KLF12: variants seen among roughly 807,000 people sequenced by gnomAD.
The protein encoded by KLF12 is Krueppel-like factor 12.
KLF12 carries 9 observed loss-of-function variants against 37.8 expected under a neutral mutation model. The ratio of observed to expected loss-of-function variants is 0.24; its 90% CI spans 0.14 to 0.42. The LOEUF (loss-of-function observed/expected upper bound fraction) is 0.42. KLF12 is among the 10% of genes least tolerant of loss of function. The pLI is 1.00. For missense variants in KLF12, 411 were observed against 516.0 expected (o/e 0.80, Z 1.97); for synonymous variants, 208 against 202.1 (o/e 1.03, Z -0.25).
At chr13:73,857,306 C>T (rs1009623134) in intron 3 of KLF12, among the ~76,000 whole-genome samples, 5 of 152,092 alleles carry the variant, frequency 3.3e-5, no homozygotes, top group African/African-American at 4.8e-5. Context: ...ATCAAGATGA[C>T]GTGTTCTAGA....
At chr13:73,822,138 G>A (rs922815902) in intron 4 of KLF12, among the ~76,000 whole-genome samples, 1 of 152,170 alleles carries the variant, frequency 6.6e-6, no homozygotes. Context: ...ATATAATGAT[G>A]CAAGTGTCTA....
intron 3 of KLF12, among the ~76,000 whole-genome samples, chr13:73,937,960 G>A (rs1283561097): frequency 6.6e-6 from 1 of 152,040 alleles, no homozygotes; most frequent in African/African-American, 2.4e-5. Flanking sequence ...AACTGCAAAT[G>A]TTTTTCTTTG....
intron 6 of KLF12, among the ~76,000 whole-genome samples, chr13:73,748,417 C>A (rs1037864263): frequency 6.6e-6 from 1 of 152,044 alleles, no homozygotes; most frequent in Non-Finnish European, 1.5e-5. Flanking sequence ...GGAGATGGGG[C>A]CTTTGGGGAT....
chr13:74,008,132 G>C (rs1343539637), intron 1 of KLF12, among the ~76,000 whole-genome samples: 1 of 152,024 alleles, frequency 6.6e-6, no homozygotes, highest in Non-Finnish European at 1.5e-5. Context: ...CATTTACTGA[G>C]GCATATACTT....
intron 5 of KLF12, among the ~76,000 whole-genome samples, chr13:73,791,987 C>T (rs1881712978): frequency 6.6e-6 from 1 of 152,198 alleles, no homozygotes. Context: ...TTTTCAACTG[C>T]TTTTACCTCC....
chr13:74,181,278 G>A, the KLF12 span, among the ~76,000 whole-genome samples: 2 of 151,158 alleles, frequency 1.3e-5, no homozygotes, highest in African/African-American at 4.9e-5. Flanking sequence ...GATTACAGGC[G>A]TGAGCCACTG....
chr13:73,962,009 G>A (rs1394100569), intron 2 of KLF12: 2 of 455,160 alleles, frequency 4.4e-6, no homozygotes, highest in Non-Finnish European at 8.8e-6. Context: ...CAAATGAACT[G>A]AAATTATGTC....
At chr13:73,784,494 T>TAA (rs57545627) in intron 5 of KLF12, among the ~76,000 whole-genome samples, 1 of 151,568 alleles carries the variant, frequency 6.6e-6, no homozygotes, top group Admixed American at 6.6e-5. Flanking sequence ...AGTGCGAACT[T>TAA]ACTTCAGTAA....
intron 3 of KLF12, among the ~76,000 whole-genome samples, chr13:73,926,731 G>A (rs1486053069): frequency 6.6e-6 from 1 of 151,018 alleles, no homozygotes; most frequent in Non-Finnish European, 1.5e-5. Context: ...TTTAGACACA[G>A]AATAAATGGT....
At chr13:74,039,359 G>T (rs1893342993) in intron 1 of KLF12, among the ~76,000 whole-genome samples, 1 of 151,976 alleles carries the variant, frequency 6.6e-6, no homozygotes. Flanking sequence ...AACACAGCAA[G>T]ACCCCATCTC....
At chr13:73,820,539 T>G (rs1883464393) in intron 4 of KLF12, among the ~76,000 whole-genome samples, 1 of 152,338 alleles carries the variant, frequency 6.6e-6, no homozygotes, top group South Asian at 2.1e-4. Flanking sequence ...AATGCCTTGT[T>G]TCTTGTTTCC....
chr13:73,791,486 T>C (rs1027290582), intron 5 of KLF12, among the ~76,000 whole-genome samples: 3 of 152,234 alleles, frequency 2.0e-5, no homozygotes, highest in African/African-American at 7.2e-5. Context: ...GGACATTTTG[T>C]GGCTGTTCTC....
intron 2 of KLF12, among the ~76,000 whole-genome samples, chr13:73,986,722 G>A (rs1891836364): frequency 6.6e-6 from 1 of 152,184 alleles, no homozygotes. Flanking sequence ...GAGGGAGGTA[G>A]AAGGGGAGAA....
intron 3 of KLF12, among the ~76,000 whole-genome samples, chr13:73,868,103 G>A (rs1336818670): frequency 2.8e-5 from 4 of 141,934 alleles, no homozygotes; most frequent in African/African-American, 5.2e-5. Context: ...GCCTGAGGTC[G>A]GGAGTTCAAG....
At chr13:73,899,435 G>GA (rs955841150) in intron 3 of KLF12, among the ~76,000 whole-genome samples, 3 of 152,124 alleles carry the variant, frequency 2.0e-5, no homozygotes, top group South Asian at 2.1e-4. Flanking sequence ...AGCTGAATCT[G>GA]AAAAAACAGA....
At chr13:74,214,080 T>C in the KLF12 span, among the ~76,000 whole-genome samples, 1 of 152,240 alleles carries the variant, frequency 6.6e-6, no homozygotes, top group Admixed American at 6.5e-5. Context: ...TTCTATTTTG[T>C]GCAATTTTTG....
intron 1 of KLF12, among the ~76,000 whole-genome samples, chr13:74,116,539 C>T (rs937624357): frequency 2.6e-5 from 4 of 152,194 alleles, no homozygotes; most frequent in African/African-American, 9.6e-5. Context: ...CCTTGCACAT[C>T]ATGAACATTC....
rs186874231 is a variant in KLF12, at chr13:73,911,728, T to G, written c.123+32253A>C. ...AACACTATGTCAGAAGTTATAGAAA[T>G]AAGAAAAATGTTCAGATAATAAGAC... On this transcript the variant is annotated intron_variant, in intron 3 of 7. Coordinates refer to ENST00000377669, the MANE Select transcript of KLF12 (RefSeq NM_007249.5). Among the ~76,000 whole-genome samples, 230 of 152,332 alleles carry G rather than the reference T, an allele frequency of 1.5e-3. 3 individuals carry two copies. Among genetic ancestry groups the G allele is most frequent in the Non-Finnish European group, 2.7e-3 (186 of 68,024 alleles).
the KLF12 span, among the ~76,000 whole-genome samples, chr13:74,298,280 T>C: frequency 6.6e-6 from 1 of 152,154 alleles, no homozygotes; most frequent in Non-Finnish European, 1.5e-5. Flanking sequence ...AAGTAATAAA[T>C]TGTGTGTCAG....
Sources: gnomAD v4.1 joint callset for allele counts (sites outside exome capture counted in the v4.1 genomes callset) on GRCh38, gnomAD v4.1.1 for gene constraint, MANE v1.5 for transcripts, NCBI Gene and HGNC (gene_info 2026-07-23, HGNC 2026-07-21) for gene names.